Variants in RPTOR observed in about 807,000 individuals in gnomAD.
RPTOR encodes the protein regulatory-associated protein of mTOR.
A neutral mutation model predicts 169.9 loss-of-function variants in RPTOR; 21 were observed. The observed-to-expected ratio is 0.12, with a 90% CI of 0.09 to 0.18. The LOEUF (loss-of-function observed/expected upper bound fraction) is 0.18. Ranked by LOEUF, RPTOR falls within the 10% of genes least tolerant of loss-of-function variation. The probability of loss-of-function intolerance (pLI) is 1.00; values close to 1 mark genes in which losing one functional copy is unlikely to be tolerated. For missense variants in RPTOR, 1,133 were observed against 1,855.9 expected, an observed-to-expected ratio of 0.61 and a Z score of 7.16; for synonymous variants, 732 against 753.2, an observed-to-expected ratio of 0.97 and a Z score of 0.46.
intron 6 of RPTOR, among the ~76,000 whole-genome samples, chr17:80,766,051 C>T (rs771403990): frequency 1.3e-5 from 2 of 152,108 alleles, no homozygotes; most frequent in Non-Finnish European, 2.9e-5. Context: ...CTGATTCTAG[C>T]ATGTACTTTT....
At chr17:80,612,543 C>T (rs908143841) in intron 1 of RPTOR, among the ~76,000 whole-genome samples, 1 of 152,200 alleles carries the variant, frequency 6.6e-6, no homozygotes, top group South Asian at 2.1e-4. Context: ...TATCTGAAGC[C>T]ATTCTGATTT....
intron 3 of RPTOR, among the ~76,000 whole-genome samples, chr17:80,655,325 A>G (rs1176837420): frequency 1.3e-5 from 2 of 152,206 alleles, no homozygotes; most frequent in African/African-American, 4.8e-5. Flanking sequence ...ACCTCAAGTG[A>G]TCTGCCTGCC....
intron 3 of RPTOR, among the ~76,000 whole-genome samples, chr17:80,655,517 C>CAT (rs2065672732): frequency 6.6e-6 from 1 of 151,978 alleles, no homozygotes; most frequent in African/African-American, 2.4e-5. Flanking sequence ...ATCCTCTTGC[C>CAT]ATATCCTTTT....
intron 3 of RPTOR, among the ~76,000 whole-genome samples, chr17:80,685,642 T>TA (rs1567856682): frequency 4.8e-5 from 5 of 104,114 alleles, no homozygotes; most frequent in East Asian, 3.2e-4. Context: ...TTTTTTTTTT[T>TA]TTTTTTTTTT....
At chr17:80,792,366 A>C (rs2067057178) in intron 7 of RPTOR, among the ~76,000 whole-genome samples, 1 of 152,130 alleles carries the variant, frequency 6.6e-6, no homozygotes, top group Non-Finnish European at 1.5e-5. Flanking sequence ...TCTTGTAAAA[A>C]CGTGCTTGCC....
chr17:80,818,766 G>A (rs1181114613), intron 7 of RPTOR, among the ~76,000 whole-genome samples: 9 of 152,138 alleles, frequency 5.9e-5, no homozygotes, highest in African/African-American at 1.9e-4. Context: ...GACCATGTTG[G>A]GAGAGTCTAG....
At chr17:80,625,057 G>C (rs910573235) in intron 1 of RPTOR, among the ~76,000 whole-genome samples, 2 of 152,152 alleles carry the variant, frequency 1.3e-5, no homozygotes, top group Admixed American at 6.5e-5. Context: ...CAGGTGACCC[G>C]GGGGAGGGGA....
At chr17:80,741,678 A>C (rs1227270428) in intron 5 of RPTOR, among the ~76,000 whole-genome samples, 4 of 152,226 alleles carry the variant, frequency 2.6e-5, no homozygotes, top group Non-Finnish European at 5.9e-5. Flanking sequence ...ATACAGCAGC[A>C]CGCAAGTGGA....
At chr17:80,580,417 C>T (rs533497070) in intron 1 of RPTOR, among the ~76,000 whole-genome samples, 5 of 152,306 alleles carry the variant, frequency 3.3e-5, no homozygotes, top group East Asian at 1.9e-4. Flanking sequence ...TTTCCTGGCT[C>T]GGCTGCCAGC....
At chr17:80,703,731 A>C (rs575349640) in intron 3 of RPTOR, among the ~76,000 whole-genome samples, 224 of 152,212 alleles carry the variant, frequency 1.5e-3, no homozygotes, top group African/African-American at 5.1e-3. Flanking sequence ...TGATGGCTGC[A>C]CCTCTGCCCT....
chr17:80,753,383 C>T (rs1379953909), intron 5 of RPTOR, among the ~76,000 whole-genome samples: 5 of 152,012 alleles, frequency 3.3e-5, no homozygotes, highest in Non-Finnish European at 7.4e-5. Flanking sequence ...GCCTGTAATC[C>T]CAGCACTTTG....
chr17:80,644,054 G>C (rs1599630054), intron 3 of RPTOR, among the ~76,000 whole-genome samples: 1 of 152,230 alleles, frequency 6.6e-6, no homozygotes, highest in African/African-American at 2.4e-5. Flanking sequence ...TTTTGCTTAA[G>C]TTTGTTCCAG....
intron 3 of RPTOR, among the ~76,000 whole-genome samples, chr17:80,706,446 G>C (rs953069397): frequency 1.3e-5 from 2 of 152,140 alleles, no homozygotes; most frequent in African/African-American, 4.8e-5. Context: ...TCCTTGGCCC[G>C]TTCTCCTCAC....
At chr17:80,691,298 TGTGTGTGCATGCAC>T (rs796400330) in intron 3 of RPTOR, among the ~76,000 whole-genome samples, 100 of 110,096 alleles carry the variant, frequency 9.1e-4, no homozygotes, top group African/African-American at 5.3e-3. Flanking sequence ...GCATGTCGTG[TGTGTGTGCATGCAC>T]GTGTGTGCAT....
At chr17:80,818,039 A>G (rs983826376) in intron 7 of RPTOR, among the ~76,000 whole-genome samples, 5 of 152,226 alleles carry the variant, frequency 3.3e-5, no homozygotes, top group African/African-American at 1.2e-4. Flanking sequence ...CCTCCTGCCA[A>G]TGGCAGTGAA....
intron 33 of RPTOR, 62 bp from the exon 34 acceptor site, chr17:80,964,200 C>A (rs537239498): frequency 8.3e-6 from 10 of 1,199,292 alleles, no homozygotes; most frequent in Non-Finnish European, 9.8e-6. Context: ...CCTGCGCCCC[C>A]CCGCCCCCCG....
intron 4 of RPTOR, among the ~76,000 whole-genome samples, chr17:80,718,020 C>T (rs1751528148): frequency 6.6e-6 from 1 of 152,168 alleles, no homozygotes; most frequent in Admixed American, 6.5e-5. Flanking sequence ...AGGTTTTTCC[C>T]ACTTGATACA....
At chr17:80,930,086 C>T (rs2068858117) in intron 24 of RPTOR, among the ~76,000 whole-genome samples, 3 of 146,510 alleles carry the variant, frequency 2.0e-5, no homozygotes, top group South Asian at 2.2e-4. Flanking sequence ...TCATCCCCAG[C>T]GCATCCTCAA....
intron 24 of RPTOR, chr17:80,940,279 G>A (rs570120335): frequency 6.2e-5 from 31 of 500,752 alleles, no homozygotes; most frequent in African/African-American, 1.8e-4. Flanking sequence ...TTTACACAGC[G>A]TTGACACTGT....
Sources: allele counts gnomAD v4.1 joint callset (sites outside exome capture counted in the v4.1 genomes callset), GRCh38; gene constraint gnomAD v4.1.1; transcripts MANE v1.5; gene names NCBI Gene and HGNC (gene_info 2026-07-23, HGNC 2026-07-21).